The following FHIT variants were observed in gnomAD, a reference collection of about 807,000 sequenced individuals.
FHIT encodes fragile histidine triad diadenosine triphosphatase.
A neutral mutation model predicts 17.9 loss-of-function variants in FHIT; 19 were observed. That is an observed-to-expected ratio of 1.06 (90% CI 0.74 to 1.56). The LOEUF (loss-of-function observed/expected upper bound fraction) is 1.56, where lower values mean the gene tolerates loss of function less well. FHIT is among the 40% of genes most tolerant of loss of function. The pLI is 0.00. For missense variants in FHIT, 248 were observed against 189.2 expected, an observed-to-expected ratio of 1.31 and a Z score of -1.82; for synonymous variants, 81 against 69.7, an observed-to-expected ratio of 1.16 and a Z score of -0.81.
intron 8 of FHIT, among the ~76,000 whole-genome samples, chr3:59,860,243 G>C (rs950529366): frequency 3.3e-5 from 5 of 152,288 alleles, no homozygotes; most frequent in Middle Eastern, 3.4e-3. Context: ...AAGACCCTTT[G>C]TTGGGAAGAA....
At chr3:60,038,350 C>CT (rs1170994359) in intron 5 of FHIT, among the ~76,000 whole-genome samples, 1 of 152,086 alleles carries the variant, frequency 6.6e-6, no homozygotes, top group African/African-American at 2.4e-5. Context: ...TGAAATCTGC[C>CT]AAGCCTATTA....
intron 3 of FHIT, among the ~76,000 whole-genome samples, chr3:60,834,651 A>C (rs549942308): frequency 2.0e-5 from 3 of 152,110 alleles, no homozygotes; most frequent in East Asian, 3.9e-4. Flanking sequence ...TGAGGTCAGG[A>C]GTTTGAGACC....
intron 4 of FHIT, among the ~76,000 whole-genome samples, chr3:60,717,013 A>G (rs1483114579): frequency 6.6e-6 from 1 of 152,208 alleles, no homozygotes; most frequent in Non-Finnish European, 1.5e-5. Context: ...GAACCTGGGG[A>G]ATGTTATGCT....
At chr3:59,931,465 A>T (rs1160557641) in intron 7 of FHIT, among the ~76,000 whole-genome samples, 1 of 152,182 alleles carries the variant, frequency 6.6e-6, no homozygotes, top group Non-Finnish European at 1.5e-5. Context: ...TGATCAACTC[A>T]AGAATCAAAT....
At chr3:60,189,496 C>T (rs1395455050) in intron 5 of FHIT, among the ~76,000 whole-genome samples, 7 of 152,154 alleles carry the variant, frequency 4.6e-5, no homozygotes, top group Non-Finnish European at 4.4e-5. Flanking sequence ...TGCTACAACT[C>T]CGCCCTACCC....
intron 4 of FHIT, among the ~76,000 whole-genome samples, chr3:60,716,793 C>A (rs1553706921): frequency 6.6e-6 from 1 of 152,172 alleles, no homozygotes; most frequent in African/African-American, 2.4e-5. Flanking sequence ...ACCACAAGCA[C>A]GTGAGTAATT....
intron 5 of FHIT, among the ~76,000 whole-genome samples, chr3:60,357,375 CTGGGATTACAGGCA>C (rs1699717319): frequency 6.6e-6 from 1 of 151,940 alleles, no homozygotes; most frequent in South Asian, 2.1e-4. Flanking sequence ...TCTTGAGTAG[CTGGGATTACAGGCA>C]CCCATCACCA....
intron 4 of FHIT, among the ~76,000 whole-genome samples, chr3:60,778,632 G>C (rs1700281213): frequency 6.6e-6 from 1 of 152,236 alleles, no homozygotes; most frequent in Non-Finnish European, 1.5e-5. Context: ...AAAGTTTGAA[G>C]CGTGTTTGTT....
chr3:60,097,791 G>A (rs1173378390), intron 5 of FHIT, among the ~76,000 whole-genome samples: 5 of 149,698 alleles, frequency 3.3e-5, no homozygotes, highest in Non-Finnish European at 7.4e-5. Context: ...GTATACATGT[G>A]CCATGTTGGT....
At chr3:61,211,571 G>C (rs2039475710) in intron 1 of FHIT, among the ~76,000 whole-genome samples, 1 of 152,164 alleles carries the variant, frequency 6.6e-6, no homozygotes, top group Non-Finnish European at 1.5e-5. Context: ...CCACCTCTGG[G>C]GGCAGGGCAC....
At chr3:60,875,758 A>G (rs939471366) in intron 3 of FHIT, among the ~76,000 whole-genome samples, 5 of 152,116 alleles carry the variant, frequency 3.3e-5, no homozygotes, top group Non-Finnish European at 7.4e-5. Context: ...TATGATCATT[A>G]TCTCTACTTT....
intron 2 of FHIT, among the ~76,000 whole-genome samples, chr3:61,083,307 T>C (rs2035201521): frequency 6.6e-6 from 1 of 152,156 alleles, no homozygotes. Flanking sequence ...GAAAGAAACG[T>C]TGGCCCGGCG....
At chr3:60,639,906 G>A (rs1326522860) in intron 4 of FHIT, among the ~76,000 whole-genome samples, 2 of 152,136 alleles carry the variant, frequency 1.3e-5, no homozygotes, top group Non-Finnish European at 2.9e-5. Flanking sequence ...TGAACCAAGT[G>A]AATGGATACA....
intron 5 of FHIT, among the ~76,000 whole-genome samples, chr3:60,351,646 T>C (rs1346669013): frequency 6.6e-6 from 1 of 152,216 alleles, no homozygotes; most frequent in Non-Finnish European, 1.5e-5. Context: ...AACACCACCA[T>C]GATGTGGTGA....
rs181280784 is a variant in FHIT at position 59,832,079 on chromosome 3, A to G, written c.349-79758T>C. On this transcript the variant is annotated intron_variant, in intron 8 of 9. Coordinates refer to ENST00000492590, the MANE Select transcript of FHIT (RefSeq NM_002012.4). Reference sequence around the variant, plus strand: ...CCAGTGATCCACTTGCCCCCCCATGATGTGCACTGTAGGGAGTTCATGCTG... The same window carrying G: ...CCAGTGATCCACTTGCCCCCCCATGGTGTGCACTGTAGGGAGTTCATGCTG... Among the ~76,000 whole-genome samples, 33 of 152,224 alleles carry G rather than the reference A, an allele frequency of 2.2e-4. No homozygotes were observed. The East Asian group carries it at 3.1e-3, about 14-fold the overall frequency.
At chr3:60,973,650 T>A (rs1312041342) in intron 3 of FHIT, among the ~76,000 whole-genome samples, 1 of 152,174 alleles carries the variant, frequency 6.6e-6, no homozygotes, top group Non-Finnish European at 1.5e-5. Context: ...TCCCTGATTT[T>A]TAATATTTTA....
At chr3:59,977,120 A>T (rs1329771745) in intron 7 of FHIT, among the ~76,000 whole-genome samples, 1 of 152,108 alleles carries the variant, frequency 6.6e-6, no homozygotes, top group African/African-American at 2.4e-5. Context: ...CCGGGAACCA[A>T]AAGACATTAA....
At chr3:60,220,108 T>C (rs149888212) in intron 5 of FHIT, among the ~76,000 whole-genome samples, 3,976 of 152,112 alleles carry the variant, frequency 0.026, 71 homozygotes, top group Middle Eastern at 0.085. Flanking sequence ...TTTCTATCAA[T>C]AGGTAATTAG....
intron 5 of FHIT, among the ~76,000 whole-genome samples, chr3:60,332,354 G>A (rs1402112077): frequency 6.6e-6 from 1 of 152,206 alleles, no homozygotes; most frequent in East Asian, 1.9e-4. Flanking sequence ...TGATCAAGGA[G>A]GTATGCTTGG....
Sources: gnomAD v4.1 joint callset for allele counts (sites outside exome capture counted in the v4.1 genomes callset) on GRCh38, gnomAD v4.1.1 for gene constraint, MANE v1.5 for transcripts, NCBI Gene and HGNC (gene_info 2026-07-23, HGNC 2026-07-21) for gene names.